Variants in CIBAR2 observed in about 807,000 individuals in gnomAD.
The protein encoded by CIBAR2 is CBY1-interacting BAR domain-containing protein 2.
Under a neutral mutation model 36.2 loss-of-function variants are expected in CIBAR2, and 38 were observed. The observed-to-expected ratio is 1.05, with a 90% CI of 0.81 to 1.38. The LOEUF is 1.38. Ranked by LOEUF, CIBAR2 falls within the 40% of genes most tolerant of loss-of-function variation. CIBAR2 has a pLI of 0.00. For missense variants in CIBAR2, 481 were observed against 383.4 expected (o/e 1.25, Z -2.13); for synonymous variants, 182 against 149.5 (o/e 1.22, Z -1.58).
intron 1 of CIBAR2, 151 bp from the exon 2 acceptor site, chr16:85,110,611 AG>A: frequency 1.7e-6 from 1 of 585,624 alleles, no homozygotes. Flanking sequence ...TCAAGGTGGC[AG>A]CATCACGGCC....
At chr16:85,105,075 G>T (rs896932103) in intron 6 of CIBAR2, among the ~76,000 whole-genome samples, 1 of 152,232 alleles carries the variant, frequency 6.6e-6, no homozygotes, top group Non-Finnish European at 1.5e-5. Flanking sequence ...GCTGGACCTA[G>T]GGCCACCCAG....
At chr16:85,105,692 T>C (rs1597668247) in intron 5 of CIBAR2, among the ~76,000 whole-genome samples, 1 of 152,182 alleles carries the variant, frequency 6.6e-6, no homozygotes, top group South Asian at 2.1e-4. Context: ...TCAATTTCCA[T>C]GCTTGTAAAC....
intron 6 of CIBAR2, among the ~76,000 whole-genome samples, chr16:85,102,753 C>T (rs1324890444): frequency 6.6e-6 from 1 of 152,216 alleles, no homozygotes; most frequent in Non-Finnish European, 1.5e-5. Flanking sequence ...CACTTCCCCT[C>T]TGCCTCCTGA....
chr16:85,100,526 C>A (rs542708206), intron 7 of CIBAR2, among the ~76,000 whole-genome samples: 26 of 151,966 alleles, frequency 1.7e-4, no homozygotes, highest in South Asian at 6.2e-4. Context: ...CCCCTTTCCC[C>A]TAAAAAGAAT....
In CIBAR2 at chr16:85,108,033, G is replaced by C; in HGVS notation, c.322C>G (p.Arg108Gly). The C allele has an allele frequency of 6.2e-7, 1 of 1,613,764 alleles. No homozygotes were observed. Among genetic ancestry groups the C allele is most frequent in the Non-Finnish European group, 8.5e-7 (1 of 1,179,760 alleles). Residue 108 changes from arginine (R) to glycine (G), a missense_variant and splice_region_variant, in exon 3 of 9, where the codon CGG becomes GGG. Coordinates refer to ENST00000539556, the MANE Select transcript of CIBAR2 (RefSeq NM_198491.3). ...KLYGAQIKQTRAEIKKFKHVQ... is the reference protein window; with the variant it reads ...KLYGAQIKQTGAEIKKFKHVQ... ...CACACCGAGGTGCCCCGGCTCACCC[G>C]TGTCTGCTTGATCTGTGCCCCGTAG... is the stretch of plus-strand genomic sequence containing the variant.
At chr16:85,099,443 C>T in intron 8 of CIBAR2, 97 bp from the exon 9 acceptor site, 3 of 755,578 alleles carry the variant, frequency 4.0e-6, no homozygotes, top group African/African-American at 1.7e-5. Context: ...CTCTGAGGAA[C>T]CCTGGATTCT....
intron 6 of CIBAR2, among the ~76,000 whole-genome samples, chr16:85,102,890 A>T (rs2073966600): frequency 6.9e-6 from 1 of 145,310 alleles, no homozygotes; most frequent in African/African-American, 2.7e-5. Flanking sequence ...GGTCCTGGAG[A>T]TCTCTTCACA....
Position 85,103,861 on chromosome 16 carries a change from C to G in CIBAR2, c.537+1466G>C, listed in dbSNP as rs1477805273. ...TCACACAGTGACCTCACAGGCTTCT[C>G]TGCTCCACGACGTGATGAATGTGAT... is the stretch of plus-strand genomic sequence containing the variant. On this transcript the variant is annotated intron_variant, in intron 6 of 8. Transcript: ENST00000539556. Among the ~76,000 whole-genome samples the G allele has an allele frequency of 4.6e-5, 7 of 152,338 alleles. No individual in the cohort carries two copies. The East Asian group carries it at 1.2e-3, about 25-fold the overall frequency.
chr16:85,107,795 A>G (rs1166500872), intron 4 of CIBAR2, 51 bp downstream of exon 4: 1 of 1,578,012 alleles, frequency 6.3e-7, no homozygotes, highest in East Asian at 2.2e-5. Context: ...CATCAGTGTG[A>G]GTGGACACCC....
At chr16:85,107,627 G>T in intron 5 of CIBAR2, 40 bp downstream of exon 5, 1 of 1,609,486 alleles carries the variant, frequency 6.2e-7, no homozygotes, top group Non-Finnish European at 8.5e-7. Flanking sequence ...TATTTCCTAC[G>T]TGTGATTCTG....
In CIBAR2 at chr16:85,107,925, TG is replaced by T; in HGVS notation, c.346del (p.His116MetfsTer16). On this transcript the variant is annotated frameshift_variant, in exon 4 of 9. Coordinates refer to ENST00000539556, the MANE Select transcript of CIBAR2 (RefSeq NM_198491.3). LOFTEE classifies it high-confidence loss of function. ...TTGTTTGATCTCATGATTTTGGACATGTTTGAATTTCTTGATCTCAGCCTGC... is the reference window on the plus strand; with the variant it reads ...TTGTTTGATCTCATGATTTTGGACATTTTGAATTTCTTGATCTCAGCCTGC... The part of the protein sequence containing the change: ...QTRAEIKKFK[H>X]VQNHEIKQLE... 1 of 1,614,102 alleles carries T rather than the reference TG, an allele frequency of 6.2e-7. No homozygotes were observed. Among genetic ancestry groups the T allele is most frequent in the Non-Finnish European group, 8.5e-7 (1 of 1,179,912 alleles).
chr16:85,105,392 G>A lies in CIBAR2; in HGVS notation c.472C>T (p.Arg158Cys), dbSNP rs751901973. The A allele has an allele frequency of 9.3e-6, 15 of 1,613,674 alleles. No individual in the cohort carries two copies. The highest frequency in any genetic ancestry group is 1.6e-4 in the Middle Eastern group (1 of 6,082). Residue 158 changes from arginine to cysteine, a missense_variant, in exon 6 of 9, where the codon CGC becomes TGC. Coordinates refer to ENST00000539556, the MANE Select transcript of CIBAR2 (RefSeq NM_198491.3). ...GTCTCCTCCAGCTGGAGGGTGGTGC[G>A]GCTGGAGTCCACAGCGGCCCTCTGC... Reference protein sequence around the residue: ...RVQRAAVDSSRTTLQLEETVD... With the variant: ...RVQRAAVDSSCTTLQLEETVD...
chr16:85,108,051 C>T lies in CIBAR2; in HGVS notation c.304G>A (p.Ala102Thr). The T allele has an allele frequency of 3.1e-6, 5 of 1,613,542 alleles. No individual in the cohort carries two copies. Among genetic ancestry groups the T allele is most frequent in the Non-Finnish European group, 4.2e-6 (5 of 1,179,652 alleles). ...KVVNPLKLYG[A>T]QIKQTRAEIK... The stretch of plus-strand genomic sequence containing the variant: ...CTCACCCGTGTCTGCTTGATCTGTG[C>T]CCCGTAGAGCTTCAGGGGGTTGACC... Residue 102 changes from alanine to threonine, a missense_variant, in exon 3 of 9, where the codon GCA becomes ACA. By Grantham distance (58) the Ala-to-Thr change is moderately conservative (BLOSUM62 0). Transcript: ENST00000539556.
rs568812482 is a variant in CIBAR2, at chr16:85,108,215, G to C, written c.256-116C>G. On this transcript the variant is annotated intron_variant, in intron 2 of 8. Transcript: ENST00000539556. ...GCGTGTCCAGAGCTGTGCGGCGGGA[G>C]GTGGAGCGCGAGGTGCCCTCCCTTT... 3.0e-5 allele frequency: 29 copies of C among 970,956 alleles called. No homozygotes were observed. The South Asian group carries it at 4.7e-4, about 16-fold the overall frequency. 60.1% of individuals were successfully genotyped at this position (970,956 alleles called of 1,614,324 possible). A position where few individuals can be genotyped will look rare whatever the true frequency, so the allele number is the denominator to read the frequency against.
At chr16:85,109,684 A>T (rs563450087) in intron 2 of CIBAR2, among the ~76,000 whole-genome samples, 30 of 152,204 alleles carry the variant, frequency 2.0e-4, no homozygotes, top group African/African-American at 7.0e-4. Context: ...TTTATTTTAG[A>T]GATGGAGTCT....
At position 85,098,549 on chromosome 16, in the gene CIBAR2, C is replaced by T. The variant is rs954698020; in HGVS notation, c.*636G>A. 1 of 986,036 alleles carries T rather than the reference C, an allele frequency of 1.0e-6. No homozygotes were observed. The highest frequency in any genetic ancestry group is 1.2e-6 in the Non-Finnish European group (1 of 830,064). The allele number at this position is 986,036 out of a possible 1,614,324, so 61.1% of individuals were successfully genotyped here. A position where few individuals can be genotyped will look rare whatever the true frequency, so the allele number is the denominator to read the frequency against. On this transcript the variant is annotated 3_prime_UTR_variant, in exon 9 of 9. Transcript: ENST00000539556. ...TCCAAGGCCAGCTAAGTTCTTCTGA[C>T]TGTTGTGGGCAGTTCTCTCTTATGG...
intron 6 of CIBAR2, among the ~76,000 whole-genome samples, chr16:85,103,419 T>C (rs1004714031): frequency 1.3e-5 from 2 of 152,210 alleles, no homozygotes; most frequent in African/African-American, 4.8e-5. Flanking sequence ...GATGATTAGC[T>C]CAAGTTCTTG....
Position 85,099,473 on chromosome 16 carries a change from G to C in CIBAR2, c.754-127C>G, listed in dbSNP as rs555510678. ...GATTCTGGAACCCGCGGGCCCACGG[G>C]CTGGGATGGAGGTGTGGACCTGACT... On this transcript the variant is annotated intron_variant, in intron 8 of 8. Transcript: ENST00000539556. 2.5e-4 allele frequency: 164 copies of C among 651,130 alleles called. 3 individuals carry two copies. Among genetic ancestry groups the C allele is most frequent in the South Asian group, 2.3e-3 (132 of 56,520 alleles). The allele number at this position is 651,130 out of a possible 1,614,324, so 40.3% of individuals were successfully genotyped here.
In CIBAR2 at chr16:85,105,116, T is replaced by C. The variant is rs531202978; in HGVS notation, c.537+211A>G. ...TCCGGCTGTGCTGGGACAGCTGCCC[T>C]GAGCACCAGCCTCTGATGCCCTGTG... On this transcript the variant is annotated intron_variant, in intron 6 of 8. Coordinates refer to ENST00000539556, the MANE Select transcript of CIBAR2 (RefSeq NM_198491.3). Among the ~76,000 whole-genome samples, 3 of 152,356 alleles carry C rather than the reference T, an allele frequency of 2.0e-5. No individual in the cohort carries two copies. The South Asian group carries it at 6.2e-4, about 32-fold the overall frequency.
Sources: gnomAD v4.1 joint callset for allele counts (sites outside exome capture counted in the v4.1 genomes callset) on GRCh38, gnomAD v4.1.1 for gene constraint, MANE v1.5 for transcripts, NCBI Gene and HGNC (gene_info 2026-07-23, HGNC 2026-07-21) for gene names.